The following ANK3 variants were observed in gnomAD, a reference collection of about 807,000 sequenced individuals.
The protein encoded by ANK3 is ankyrin-3.
In ANK3, 57 loss-of-function variants were observed where a neutral mutation model predicts 370.9. The ratio of observed to expected loss-of-function variants is 0.15; its 90% CI spans 0.12 to 0.19. The LOEUF is 0.19. Among genes scored for constraint, ANK3 ranks in the 10% least tolerant of loss-of-function variants. The pLI, the probability that ANK3 is intolerant of heterozygous loss-of-function variation, is 1.00. For synonymous variants in ANK3, 1,929 were observed against 1,946.3 expected, an observed-to-expected ratio of 0.99 and a Z score of 0.23; for missense variants, 4,439 against 5,302.1, an observed-to-expected ratio of 0.84 and a Z score of 5.06.
intron 26 of ANK3, 121 bp downstream of exon 26, chr10:60,114,104 T>C (rs2092916623): frequency 1.1e-5 from 5 of 445,824 alleles, no homozygotes; most frequent in Non-Finnish European, 2.0e-5. Context: ...CTAATGAATA[T>C]ACATTTCATA....
chr10:60,280,942 T>C (rs2098153222), intron 1 of ANK3, among the ~76,000 whole-genome samples: 1 of 152,162 alleles, frequency 6.6e-6, no homozygotes, highest in Non-Finnish European at 1.5e-5. Context: ...CTGTCCTTCT[T>C]CCACCCTAAA....
intron 7 of ANK3, among the ~76,000 whole-genome samples, chr10:60,257,743 C>T (rs189636032): frequency 2.6e-5 from 4 of 152,192 alleles, no homozygotes; most frequent in African/African-American, 9.6e-5. Flanking sequence ...CCGCCCTTCA[C>T]GTCTGTATAT....
At chr10:60,659,678 T>C (rs2078910896) in intron 1 of ANK3, among the ~76,000 whole-genome samples, 1 of 152,066 alleles carries the variant, frequency 6.6e-6, no homozygotes, top group African/African-American at 2.4e-5. Flanking sequence ...ACAATAATCA[T>C]TAAAGTGACT....
At chr10:60,224,482 A>C (rs947415089) in intron 8 of ANK3, among the ~76,000 whole-genome samples, 4 of 152,294 alleles carry the variant, frequency 2.6e-5, no homozygotes, top group African/African-American at 9.6e-5. Context: ...TCTGAAAAGC[A>C]TGAAGCAGGA....
intron 2 of ANK3, among the ~76,000 whole-genome samples, chr10:60,463,133 G>T (rs974697093): frequency 2.6e-5 from 4 of 152,076 alleles, no homozygotes; most frequent in African/African-American, 7.2e-5. Flanking sequence ...GGAAGTCCTG[G>T]TATCCAGTGA....
chr10:60,177,575 C>T (rs2096005043), intron 18 of ANK3, among the ~76,000 whole-genome samples: 1 of 144,962 alleles, frequency 6.9e-6, no homozygotes, highest in African/African-American at 2.5e-5. Flanking sequence ...GTCCCCATAC[C>T]ACACATGGTC....
At chr10:60,431,838 A>C (rs1268181549) in intron 2 of ANK3, among the ~76,000 whole-genome samples, 1 of 152,196 alleles carries the variant, frequency 6.6e-6, no homozygotes, top group Non-Finnish European at 1.5e-5. Context: ...TAACACAAAA[A>C]GGTCCCACAT....
chr10:60,049,500 T>C (rs1395893291), intron 42 of ANK3, among the ~76,000 whole-genome samples: 1 of 152,002 alleles, frequency 6.6e-6, no homozygotes, highest in African/African-American at 2.4e-5. Flanking sequence ...GGCAGGAGAA[T>C]TGCTTGAACT....
intron 2 of ANK3, among the ~76,000 whole-genome samples, chr10:60,595,464 C>T (rs2077974908): frequency 6.6e-6 from 1 of 152,066 alleles, no homozygotes; most frequent in Non-Finnish European, 1.5e-5. Flanking sequence ...CAAGATGATC[C>T]AGTTTACTAG....
intron 2 of ANK3, among the ~76,000 whole-genome samples, chr10:60,503,370 A>G (rs1420912686): frequency 1.3e-5 from 2 of 152,192 alleles, no homozygotes; most frequent in Admixed American, 1.3e-4. Flanking sequence ...TTTCCTAAGT[A>G]CCAGAACTAT....
At chr10:60,733,300 G>A in exon 1 of ANK3, 1 of 1,236,372 alleles carries the variant, frequency 8.1e-7, no homozygotes, top group Non-Finnish European at 1.0e-6. Context: ...CGCGGGAGAG[G>A]AGGAGGCGGA....
At chr10:60,368,347 G>T (rs1412021667) in intron 1 of ANK3, among the ~76,000 whole-genome samples, 1 of 152,096 alleles carries the variant, frequency 6.6e-6, no homozygotes. Flanking sequence ...TCATGGAGAA[G>T]GTACGTATGT....
chr10:60,283,379 T>C (rs1459582551), intron 1 of ANK3, among the ~76,000 whole-genome samples: 2 of 152,152 alleles, frequency 1.3e-5, no homozygotes, highest in Non-Finnish European at 2.9e-5. Context: ...ATGCCTCTTT[T>C]GATGCTATAT....
At chr10:60,204,697 T>C (rs762238225) in intron 11 of ANK3, among the ~76,000 whole-genome samples, 1 of 152,090 alleles carries the variant, frequency 6.6e-6, no homozygotes, top group Non-Finnish European at 1.5e-5. Flanking sequence ...AGTGTGGGTA[T>C]ATGAAGACCA....
chr10:60,521,267 A>G (rs1193298768), intron 2 of ANK3, among the ~76,000 whole-genome samples: 2 of 152,124 alleles, frequency 1.3e-5, no homozygotes, highest in Non-Finnish European at 2.9e-5. Context: ...TTAAGAATGA[A>G]TTACATCGTA....
chr10:60,210,155 T>C (rs571756690), intron 9 of ANK3, among the ~76,000 whole-genome samples: 12 of 152,112 alleles, frequency 7.9e-5, no homozygotes, highest in Non-Finnish European at 1.8e-4. Context: ...CGCATGAAAA[T>C]AGGTGCTTGT....
chr10:60,450,974 G>A (rs1284235591), intron 2 of ANK3, among the ~76,000 whole-genome samples: 1 of 152,160 alleles, frequency 6.6e-6, no homozygotes, highest in Non-Finnish European at 1.5e-5. Context: ...ATGTAATTAA[G>A]GTAAGGATCT....
intron 1 of ANK3, among the ~76,000 whole-genome samples, chr10:60,303,629 C>T (rs1327142417): frequency 6.6e-6 from 1 of 152,084 alleles, no homozygotes; most frequent in Non-Finnish European, 1.5e-5. Context: ...AACCCTGGTA[C>T]ACTGTTGATT....
chr10:60,690,525 C>T (rs564237700), intron 1 of ANK3, among the ~76,000 whole-genome samples: 11 of 151,934 alleles, frequency 7.2e-5, no homozygotes, highest in Admixed American at 6.6e-4. Context: ...TTTTAGAAAA[C>T]TTAAAACTTA....
Sources: gnomAD v4.1 joint callset for allele counts (sites outside exome capture counted in the v4.1 genomes callset) on GRCh38, gnomAD v4.1.1 for gene constraint, MANE v1.5 for transcripts, NCBI Gene and HGNC (gene_info 2026-07-23, HGNC 2026-07-21) for gene names.